The following XPO4 variants were observed in gnomAD, a reference collection of about 807,000 sequenced individuals.
XPO4 encodes exportin 4.
A neutral mutation model predicts 143.0 loss-of-function variants in XPO4; 39 were observed. The ratio of observed to expected loss-of-function variants is 0.27; its 90% CI spans 0.21 to 0.36. The LOEUF is 0.36. Ranked by LOEUF, XPO4 falls within the 10% of genes least tolerant of loss-of-function variation. The pLI is 1.00. For synonymous variants in XPO4, 439 were observed against 474.0 expected, an observed-to-expected ratio of 0.93 and a Z score of 0.96; for missense variants, 907 against 1,348.0, an observed-to-expected ratio of 0.67 and a Z score of 5.12.
chr13:20,827,303 A>G (rs2059797110), intron 6 of XPO4, 124 bp from the exon 7 acceptor site: 2 of 660,306 alleles, frequency 3.0e-6, no homozygotes, highest in Non-Finnish European at 2.7e-6. Context: ...GCCTCTTCAC[A>G]TATGCTACAT....
chr13:20,898,806 T>TA (rs138681740), intron 1 of XPO4, among the ~76,000 whole-genome samples: 3,847 of 152,242 alleles, frequency 0.025, 172 homozygotes, highest in African/African-American at 0.088. Context: ...ATGTTGTCTC[T>TA]AAAATCAAAA....
chr13:20,805,821 C>G (rs2059497275), intron 13 of XPO4, among the ~76,000 whole-genome samples: 1 of 152,132 alleles, frequency 6.6e-6, no homozygotes, highest in African/African-American at 2.4e-5. Context: ...TCAAATGATA[C>G]CTGTTTTAAG....
chr13:20,802,223 G>A (rs969464392), intron 13 of XPO4, among the ~76,000 whole-genome samples: 2 of 151,792 alleles, frequency 1.3e-5, no homozygotes, highest in East Asian at 1.9e-4. Flanking sequence ...ACACCAGGCC[G>A]ATTTAAAAAA....
intron 6 of XPO4, among the ~76,000 whole-genome samples, chr13:20,830,224 G>A (rs1055617805): frequency 4.6e-5 from 7 of 152,000 alleles, no homozygotes; most frequent in African/African-American, 1.2e-4. Context: ...TTCCTTACAC[G>A]TGGCCACGAG....
intron 2 of XPO4, chr13:20,866,333 A>AC (rs2060244890): frequency 1.0e-6 from 1 of 985,192 alleles, no homozygotes; most frequent in East Asian, 1.1e-4. Flanking sequence ...AATGAGCAAC[A>AC]TATAAAACTC....
rs77855919 is a variant in XPO4, at chr13:20,838,628, A to G, written c.727+4267T>C. Among the ~76,000 whole-genome samples the G allele has an allele frequency of 3.2e-3, 475 of 150,778 alleles. 4 individuals are homozygous for G. The highest frequency in any genetic ancestry group is 0.011 in the African/African-American group (455 of 41,094). On this transcript the variant is annotated intron_variant, in intron 6 of 22. Transcript: ENST00000255305. ...CCATCTCAAAAAAAAAAAAAAAAAA[A>G]AGAAAGAAATTACATTTTGGTCTTG... is the stretch of plus-strand genomic sequence containing the variant.
rs2059554644 is a variant in XPO4, at chr13:20,809,813, G to A, written c.1328C>T (p.Ala443Val). 1 of 1,610,196 alleles carries A rather than the reference G, an allele frequency of 6.2e-7. No homozygotes were observed. Among genetic ancestry groups the A allele is most frequent in the South Asian group, 1.1e-5 (1 of 90,492 alleles). Residue 443 changes from alanine (A) to valine (V), a missense_variant, in exon 10 of 23, where the codon GCT becomes GTT. Ala to Val is a moderately conservative substitution (Grantham distance 64). Coordinates refer to ENST00000255305, the MANE Select transcript of XPO4 (RefSeq NM_022459.5). The part of the protein sequence containing the change: ...FNSYIQCHLA[A>V]PDGTRNLTAN... ...CACCAAATTTCTTGTGCCATCTGGA[G>A]CAGCTAGGTGGCACTGAATATAGGA... is the stretch of plus-strand genomic sequence containing the variant.
At chr13:20,809,428 T>C (rs2059549399) in intron 10 of XPO4, among the ~76,000 whole-genome samples, 1 of 151,950 alleles carries the variant, frequency 6.6e-6, no homozygotes, top group Admixed American at 6.6e-5. Context: ...GGGGAAAACA[T>C]ACAAGAGCAA....
In XPO4 at chr13:20,859,674, G is replaced by A. The variant is rs528018406; in HGVS notation, c.317+3043C>T. The A allele has an allele frequency of 2.2e-4, 37 of 169,228 alleles. No individual in the cohort carries two copies. The South Asian group carries it at 5.6e-3, about 26-fold the overall frequency. 10.5% of individuals were successfully genotyped at this position (169,228 alleles called of 1,614,324 possible). A position where few individuals can be genotyped will look rare whatever the true frequency, so the allele number is the denominator to read the frequency against. ...CACCTCTAGTCCCAGCTACTCGGGA[G>A]GCTGGGGCAGGAGAATCGCATGAAC... On this transcript the variant is annotated intron_variant, in intron 3 of 22. Coordinates refer to ENST00000255305, the MANE Select transcript of XPO4 (RefSeq NM_022459.5).
intron 4 of XPO4, chr13:20,851,364 C>T: frequency 1.0e-6 from 1 of 985,308 alleles, no homozygotes; most frequent in Non-Finnish European, 1.2e-6. Flanking sequence ...AATTCTACTT[C>T]CCACTGAAGT....
intron 19 of XPO4, among the ~76,000 whole-genome samples, 156 bp downstream of exon 19, chr13:20,790,306 G>A (rs1008174211): frequency 6.6e-6 from 1 of 152,192 alleles, no homozygotes; most frequent in Non-Finnish European, 1.5e-5. Flanking sequence ...TGAGAAGCAT[G>A]CACAAGTAAC....
At chr13:20,810,232 G>T (rs2762985) in intron 9 of XPO4, among the ~76,000 whole-genome samples, 35,109 of 151,936 alleles carry the variant, frequency 0.23, 5,718 homozygotes, top group East Asian at 0.8. Flanking sequence ...AACATTTTCT[G>T]TAGTCAAGAA....
intron 3 of XPO4, among the ~76,000 whole-genome samples, chr13:20,857,363 T>A (rs1213365867): frequency 6.6e-6 from 1 of 152,230 alleles, no homozygotes; most frequent in Non-Finnish European, 1.5e-5. Context: ...AGAATTTATA[T>A]GAACTGGTTT....
intron 1 of XPO4, among the ~76,000 whole-genome samples, chr13:20,872,705 C>T (rs2060311147): frequency 6.6e-6 from 1 of 152,066 alleles, no homozygotes; most frequent in African/African-American, 2.4e-5. Context: ...GTAATTTGCC[C>T]AACGTCACAC....
At chr13:20,880,112 T>C (rs756120011) in intron 1 of XPO4, among the ~76,000 whole-genome samples, 3 of 152,078 alleles carry the variant, frequency 2.0e-5, no homozygotes, top group Admixed American at 2.0e-4. Context: ...CTGGTGGAAA[T>C]GTAGAAATGG....
chr13:20,850,037 C>G, intron 4 of XPO4: 1 of 841,826 alleles, frequency 1.2e-6, no homozygotes, highest in African/African-American at 1.8e-5. Context: ...ACCCAGGAGG[C>G]GGAGGTTGTA....
chr13:20,788,546 G>A lies in XPO4; in HGVS notation c.2987C>T (p.Pro996Leu). The change falls in exon 20 of 23, where the codon CCA becomes CTA. Residue 996 changes from proline (P) to leucine (L), a missense_variant. Physicochemically the swap from Pro to Leu is moderately conservative, Grantham distance 98. Transcript: ENST00000255305. ...FICEIFPEKIPQLPEDLFKSL... is the reference protein window; with the variant it reads ...FICEIFPEKILQLPEDLFKSL... ...TTTAAACAGATCCTCAGGAAGCTGT[G>A]GTATTTTTTCAGGAAAAATCTCACA... The A allele has an allele frequency of 2.5e-6, 4 of 1,612,504 alleles. No individual in the cohort carries two copies. Among genetic ancestry groups the A allele is most frequent in the Non-Finnish European group, 3.4e-6 (4 of 1,179,374 alleles).
chr13:20,818,464 G>A (rs1233317562), intron 9 of XPO4, among the ~76,000 whole-genome samples: 2 of 152,078 alleles, frequency 1.3e-5, no homozygotes, highest in Admixed American at 1.3e-4. Context: ...TCAAAGACAT[G>A]AATTGCTATT....
Position 20,802,705 on chromosome 13 carries a change from T to C in XPO4, c.1818-1715A>G, listed in dbSNP as rs575711896. The stretch of plus-strand genomic sequence containing the variant: ...TTCAATTTCATTTTCCCATAGAACA[T>C]TATCCTAATATAATTTTTATGTTCC... On this transcript the variant is annotated intron_variant, in intron 13 of 22. Transcript: ENST00000255305. 2.6e-5 allele frequency among the ~76,000 whole-genome samples: 4 copies of C among 152,324 alleles called. No homozygotes were observed. The East Asian group carries it at 7.7e-4, about 29-fold the overall frequency.
Sources: gnomAD v4.1 joint callset for allele counts (sites outside exome capture counted in the v4.1 genomes callset) on GRCh38, gnomAD v4.1.1 for gene constraint, MANE v1.5 for transcripts, NCBI Gene and HGNC (gene_info 2026-07-23, HGNC 2026-07-21) for gene names.